The following EPHA6 variants were observed in gnomAD, a reference collection of about 807,000 sequenced individuals.
EPHA6 encodes EPH receptor A6.
In EPHA6, 50 loss-of-function variants were observed where a neutral mutation model predicts 112.0. That is an observed-to-expected ratio of 0.45 (90% CI 0.36 to 0.56). The LOEUF is 0.56. Ranked by LOEUF, EPHA6 falls within the 20% of genes least tolerant of loss-of-function variation. EPHA6 has a pLI of 0.00. For synonymous variants in EPHA6, 529 were observed against 490.7 expected, an observed-to-expected ratio of 1.08 and a Z score of -1.03; for missense variants, 1,280 against 1,417.4, an observed-to-expected ratio of 0.90 and a Z score of 1.56.
intron 6 of EPHA6, among the ~76,000 whole-genome samples, chr3:97,414,567 G>A (rs886195221): frequency 9.9e-5 from 15 of 151,908 alleles, no homozygotes; most frequent in African/African-American, 2.7e-4. Context: ...TTCATTTCCC[G>A]GCTCTGCTAT....
chr3:97,656,618 T>C (rs2094139356), intron 14 of EPHA6, among the ~76,000 whole-genome samples: 1 of 151,950 alleles, frequency 6.6e-6, no homozygotes, highest in Non-Finnish European at 1.5e-5. Context: ...CCTACCTGGC[T>C]ATCCATTGAT....
chr3:97,134,198 C>T (rs985682930), intron 3 of EPHA6, among the ~76,000 whole-genome samples: 2 of 152,014 alleles, frequency 1.3e-5, no homozygotes, highest in Non-Finnish European at 2.9e-5. Context: ...AAAATATCAA[C>T]ATATGAAAAT....
At chr3:97,147,754 G>A (rs752942721) in intron 3 of EPHA6, among the ~76,000 whole-genome samples, 2 of 152,056 alleles carry the variant, frequency 1.3e-5, no homozygotes, top group Non-Finnish European at 2.9e-5. Flanking sequence ...TACACCCTAA[G>A]ACTGTCAAGG....
At chr3:96,846,909 C>T (rs2035106245) in intron 1 of EPHA6, among the ~76,000 whole-genome samples, 1 of 151,964 alleles carries the variant, frequency 6.6e-6, no homozygotes, top group South Asian at 2.1e-4. Context: ...GCTGGAGTCT[C>T]ATGTTTGGTT....
chr3:97,654,595 A>G (rs185927257), intron 14 of EPHA6, among the ~76,000 whole-genome samples: 1 of 152,124 alleles, frequency 6.6e-6, no homozygotes. Flanking sequence ...CCTTTGAAGT[A>G]AGACCTGAAA....
At chr3:97,140,548 A>G (rs560035089) in intron 3 of EPHA6, among the ~76,000 whole-genome samples, 1 of 152,192 alleles carries the variant, frequency 6.6e-6, no homozygotes, top group Non-Finnish European at 1.5e-5. Context: ...AAGACAAAAA[A>G]TGCCAGCCCA....
intron 5 of EPHA6, among the ~76,000 whole-genome samples, chr3:97,306,839 AT>A (rs549905979): frequency 2.0e-5 from 3 of 151,432 alleles, no homozygotes; most frequent in African/African-American, 7.3e-5. Flanking sequence ...TGTAAAAAAA[AT>A]TTTTTTTGAA....
intron 2 of EPHA6, among the ~76,000 whole-genome samples, chr3:96,944,096 T>C (rs1044005938): frequency 7.2e-5 from 11 of 152,150 alleles, no homozygotes; most frequent in Non-Finnish European, 1.6e-4. Flanking sequence ...CAGTTAACTC[T>C]CCATGAAAGA....
chr3:96,864,566 C>T (rs997785807), intron 1 of EPHA6, among the ~76,000 whole-genome samples: 1 of 151,822 alleles, frequency 6.6e-6, no homozygotes, highest in Admixed American at 6.6e-5. Context: ...TTATAAAGGG[C>T]CACAAGAAAT....
intron 3 of EPHA6, among the ~76,000 whole-genome samples, chr3:97,160,572 A>G (rs1217635507): frequency 6.6e-6 from 1 of 151,882 alleles, no homozygotes; most frequent in Non-Finnish European, 1.5e-5. Context: ...GAGCCCCCAC[A>G]TCCGGCCTAT....
rs1401762047 is a variant in EPHA6, at chr3:96,915,655, T to C, written c.450+48766T>C. Among the ~76,000 whole-genome samples, 5 of 152,098 alleles carry C rather than the reference T, an allele frequency of 3.3e-5. No individual in the cohort carries two copies. The East Asian group carries it at 5.8e-4, about 18-fold the overall frequency. On this transcript the variant is annotated intron_variant, in intron 2 of 17. Transcript: ENST00000389672. ...GTCAGGGTTTAAATAAAAATATGCG[T>C]CATTCTAATACATGCCTTTCCCTTT...
chr3:97,525,015 G>T (rs1438433715), intron 10 of EPHA6, among the ~76,000 whole-genome samples: 2 of 151,898 alleles, frequency 1.3e-5, no homozygotes, highest in Non-Finnish European at 2.9e-5. Context: ...GTCCTTTGAG[G>T]TTCCTGAATC....
At chr3:97,463,937 G>A (rs2090971899) in intron 7 of EPHA6, among the ~76,000 whole-genome samples, 1 of 152,112 alleles carries the variant, frequency 6.6e-6, no homozygotes, top group African/African-American at 2.4e-5. Context: ...TAAGCAAAGA[G>A]GAATGAAGAA....
At chr3:97,738,779 G>A (rs542119758) in intron 16 of EPHA6, among the ~76,000 whole-genome samples, 2 of 152,180 alleles carry the variant, frequency 1.3e-5, no homozygotes, top group African/African-American at 4.8e-5. Context: ...AAACCAAATT[G>A]AAGTTTTTGT....
At chr3:97,675,909 G>C (rs964251443) in intron 14 of EPHA6, among the ~76,000 whole-genome samples, 2 of 152,120 alleles carry the variant, frequency 1.3e-5, no homozygotes, top group Non-Finnish European at 2.9e-5. Flanking sequence ...ATATTCTTAA[G>C]GTACAGCTAA....
At chr3:97,305,367 A>G (rs1320051271) in intron 5 of EPHA6, among the ~76,000 whole-genome samples, 1 of 151,950 alleles carries the variant, frequency 6.6e-6, no homozygotes, top group Non-Finnish European at 1.5e-5. Context: ...CCATTACTGG[A>G]TATATATCCA....
chr3:97,444,571 G>A (rs1399625437), intron 6 of EPHA6, among the ~76,000 whole-genome samples: 1 of 152,106 alleles, frequency 6.6e-6, no homozygotes, highest in Admixed American at 6.6e-5. Flanking sequence ...GTCTTCTAGA[G>A]GAGTAAATCA....
At chr3:96,917,070 T>G (rs2107617537) in intron 2 of EPHA6, among the ~76,000 whole-genome samples, 1 of 152,188 alleles carries the variant, frequency 6.6e-6, no homozygotes, top group South Asian at 2.1e-4. Context: ...CTTCTAACAG[T>G]TTTTTTCCAT....
Position 97,384,682 on chromosome 3 carries a change from A to G in EPHA6, c.1607-20468A>G, listed in dbSNP as rs530893486. 2.0e-5 allele frequency among the ~76,000 whole-genome samples: 3 copies of G among 152,340 alleles called. No individual in the cohort carries two copies. In the East Asian group the frequency reaches 5.8e-4, roughly 29 times the overall value. On this transcript the variant is annotated intron_variant, in intron 5 of 17. Coordinates refer to ENST00000389672, the MANE Select transcript of EPHA6 (RefSeq NM_001080448.3). ...TTCCCAAAGTAGTATTCCAATATCC[A>G]AAGAATTTATGAATATGGTAATTTT... is the stretch of plus-strand genomic sequence containing the variant.
Sources: allele counts gnomAD v4.1 joint callset (sites outside exome capture counted in the v4.1 genomes callset), GRCh38; gene constraint gnomAD v4.1.1; transcripts MANE v1.5; gene names NCBI Gene and HGNC (gene_info 2026-07-23, HGNC 2026-07-21).